Variants in PLCD4 observed in about 807,000 individuals in gnomAD.
The protein encoded by PLCD4 is 1-phosphatidylinositol 4,5-bisphosphate phosphodiesterase delta-4.
PLCD4 carries 63 observed loss-of-function variants against 90.2 expected under a neutral mutation model. That is an observed-to-expected ratio of 0.70 (90% CI 0.57 to 0.86). The LOEUF is 0.86. Among genes scored for constraint, PLCD4 ranks in the 40% least tolerant of loss-of-function variants. The pLI is 0.00. For missense variants in PLCD4, 830 were observed against 956.3 expected (o/e 0.87, Z 1.74); for synonymous variants, 294 against 356.5 (o/e 0.82, Z 1.97).
Position 218,634,615 on chromosome 2 carries a change from G to A in PLCD4, c.1881G>A (p.Gln627=). 6.2e-7 allele frequency: 1 copy of A among 1,613,876 alleles called. No homozygotes were observed. Among genetic ancestry groups the A allele is most frequent in the Non-Finnish European group, 8.5e-7 (1 of 1,179,846 alleles). The change falls in exon 13 of 16, where the codon CAG becomes CAA. Residue 627 remains glutamine, a synonymous_variant. Coordinates refer to ENST00000450993, the MANE Select transcript of PLCD4 (RefSeq NM_032726.4). The surrounding 1 kb of genome is among the most constrained non-coding windows in gnomAD (Gnocchi z 4.0). Reference sequence around the variant, plus strand: ...AGCCCATCAGCCCTTTCAAAGCCCAGACTCTCTTAATCCAGGTACAGTGGA... The same window carrying A: ...AGCCCATCAGCCCTTTCAAAGCCCAAACTCTCTTAATCCAGGTACAGTGGA... ...PEKPISPFKA[Q]TLLIQVISGQ...
chr2:218,636,623 G>T lies in PLCD4; in HGVS notation c.*46G>T. 2 of 1,566,548 alleles carry T rather than the reference G, an allele frequency of 1.3e-6. No homozygotes were observed. The highest frequency in any genetic ancestry group is 2.2e-5 in the South Asian group (2 of 89,076). On this transcript the variant is annotated 3_prime_UTR_variant, in exon 16 of 16. Coordinates refer to ENST00000450993, the MANE Select transcript of PLCD4 (RefSeq NM_032726.4). Reference sequence around the variant, plus strand: ...GGTTGGTGTGCTGGCTTTAGACGGGGAGAAACATCTGGAAGGATGCTCGAG... The same window carrying T: ...GGTTGGTGTGCTGGCTTTAGACGGGTAGAAACATCTGGAAGGATGCTCGAG...
chr2:218,635,795 G>C lies in PLCD4; in HGVS notation c.1897-1G>C. Reference sequence around the variant, plus strand: ...GTGAGATTCCAGAGCCCTGACTACAGGTGATCAGCGGTCAGCAACTCCCCA... The same window carrying C: ...GTGAGATTCCAGAGCCCTGACTACACGTGATCAGCGGTCAGCAACTCCCCA... On this transcript the variant is annotated splice_acceptor_variant, in intron 13 of 15. Coordinates refer to ENST00000450993, the MANE Select transcript of PLCD4 (RefSeq NM_032726.4). LOFTEE classifies it high-confidence loss of function. 1 of 1,611,510 alleles carries C rather than the reference G, an allele frequency of 6.2e-7. No homozygotes were observed. The highest frequency in any genetic ancestry group is 8.5e-7 in the Non-Finnish European group (1 of 1,178,892).
rs75450449 is a variant in PLCD4 at position 218,636,874 on chromosome 2, C to T, written c.*297C>T. 265 of 493,690 alleles carry T rather than the reference C, an allele frequency of 5.4e-4. 1 individual carries two copies. Among genetic ancestry groups the T allele is most frequent in the East Asian group, 5.1e-3 (86 of 16,958 alleles). 30.6% of individuals were successfully genotyped at this position (493,690 alleles called of 1,614,324 possible). On this transcript the variant is annotated 3_prime_UTR_variant, in exon 16 of 16. Coordinates refer to ENST00000450993, the MANE Select transcript of PLCD4 (RefSeq NM_032726.4). ...TCTTGCTGTAGGCTCAATCCCATAC[C>T]GACATCTACAACTAATCTTTCCCAT...
At chr2:218,625,170 ACCTGTG>A (rs1348765679) in intron 6 of PLCD4, among the ~76,000 whole-genome samples, 1 of 151,058 alleles carries the variant, frequency 6.6e-6, no homozygotes, top group African/African-American at 2.4e-5. Context: ...ATCTTTTGTT[ACCTGTG>A]CAGAATCCAG....
Position 218,621,549 on chromosome 2 carries a change from C to T in PLCD4, c.490C>T (p.His164Tyr), listed in dbSNP as rs758171195. 4 of 1,613,958 alleles carry T rather than the reference C, an allele frequency of 2.5e-6. No individual in the cohort carries two copies. In the South Asian group the frequency reaches 4.4e-5, roughly 18 times the overall value. Residue 164 changes from histidine (H) to tyrosine (Y), a missense_variant, in exon 5 of 16, where the codon CAC (histidine) becomes TAC (tyrosine). Coordinates refer to ENST00000450993, the MANE Select transcript of PLCD4 (RefSeq NM_032726.4). ...TTTCCAAGAAGTTCAGCGGTTATTG[C>T]ACCTAATGAATGTGGAAATGGACCA... ...MSFQEVQRLLHLMNVEMDQEY... is the reference protein window; with the variant it reads ...MSFQEVQRLLYLMNVEMDQEY...
chr2:218,633,819 T>G lies in PLCD4; in HGVS notation c.1606+58T>G, dbSNP rs553015969. 1.4e-5 allele frequency: 22 copies of G among 1,583,886 alleles called. No individual in the cohort carries two copies. In the Admixed American group the frequency reaches 2.4e-4, roughly 17 times the overall value. ...GTGGGATGGATAGGTTCAGGCCTGATGGACTGGCAGGTAAGTCCCAAGAAA... is the reference window on the plus strand; with the variant it reads ...GTGGGATGGATAGGTTCAGGCCTGAGGGACTGGCAGGTAAGTCCCAAGAAA... On this transcript the variant is annotated intron_variant, in intron 11 of 15. Coordinates refer to ENST00000450993, the MANE Select transcript of PLCD4 (RefSeq NM_032726.4).
chr2:218,631,508 T>G (rs1209174962), intron 9 of PLCD4, among the ~76,000 whole-genome samples: 1 of 146,528 alleles, frequency 6.8e-6, no homozygotes, highest in Non-Finnish European at 1.5e-5. Context: ...CACGGTAAGA[T>G]TATTCAGGCC....
At chr2:218,632,655 C>T (rs186652450) in intron 10 of PLCD4, among the ~76,000 whole-genome samples, 5 of 152,144 alleles carry the variant, frequency 3.3e-5, no homozygotes, top group Admixed American at 3.3e-4. Context: ...ACTTCTTGGT[C>T]TTCTTAAAGG....
Position 218,636,167 on chromosome 2 carries a change from T to A in PLCD4, c.2033-76T>A, listed in dbSNP as rs937567246. On this transcript the variant is annotated intron_variant, in intron 14 of 15. Transcript: ENST00000450993. ...AATGCTGATTGCCATCTAGATTAAA[T>A]GAGAACACAAGAAAAGCAACCCAGT... 1.9e-5 allele frequency: 29 copies of A among 1,498,370 alleles called. No homozygotes were observed. The Admixed American group carries it at 4.8e-4, about 25-fold the overall frequency. The allele number at this position is 1,498,370 out of a possible 1,614,324, so 92.8% of individuals were successfully genotyped here. A position where few individuals can be genotyped will look rare whatever the true frequency, so the allele number is the denominator to read the frequency against.
At chr2:218,629,438 T>G in intron 7 of PLCD4, 81 bp from the exon 8 acceptor site, 1 of 1,521,896 alleles carries the variant, frequency 6.6e-7, no homozygotes, top group Non-Finnish European at 8.9e-7. Flanking sequence ...AGCACTGTTC[T>G]CTCCAGAGTG....
intron 6 of PLCD4, among the ~76,000 whole-genome samples, chr2:218,625,383 G>A (rs115131270): frequency 0.014 from 2,084 of 151,694 alleles, 30 homozygotes; most frequent in South Asian, 0.045. Flanking sequence ...CATTTGTTTC[G>A]ACCCCGACCC....
At chr2:218,619,944 C>T (rs919221599) in intron 4 of PLCD4, among the ~76,000 whole-genome samples, 4 of 152,206 alleles carry the variant, frequency 2.6e-5, no homozygotes, top group African/African-American at 7.2e-5. Context: ...GTGGCACGAT[C>T]TTGGCTCACT....
intron 10 of PLCD4, 26 bp downstream of exon 10, chr2:218,632,338 G>C: frequency 6.3e-7 from 1 of 1,578,816 alleles, no homozygotes; most frequent in Non-Finnish European, 8.6e-7. Flanking sequence ...TCTTTCTGCT[G>C]TGGTATTTAG....
chr2:218,623,493 C>A (rs1457171038), intron 6 of PLCD4, among the ~76,000 whole-genome samples: 1 of 152,204 alleles, frequency 6.6e-6, no homozygotes, highest in Non-Finnish European at 1.5e-5. Flanking sequence ...TCAGTAGACT[C>A]ATTTCCTGCC....
chr2:218,615,380 G>A (rs924569997), intron 1 of PLCD4, among the ~76,000 whole-genome samples: 1 of 152,106 alleles, frequency 6.6e-6, no homozygotes, highest in African/African-American at 2.4e-5. Flanking sequence ...TTTCTGAAAG[G>A]GACATCCAGC....
chr2:218,616,927 T>TAGAGAGAGAGAG (rs71266346), intron 3 of PLCD4, among the ~76,000 whole-genome samples: 4 of 13,764 alleles, frequency 2.9e-4, no homozygotes, highest in Non-Finnish European at 5.1e-4. Flanking sequence ...TATATATATA[T>TAGAGAGAGAGAG]AGAGAGAGAG....
At chr2:218,609,131 ACT>A (rs769600500) in intron 1 of PLCD4, 1 of 144,842 alleles carries the variant, frequency 6.9e-6, no homozygotes, top group Non-Finnish European at 1.5e-5. Context: ...CGACAGCGAG[ACT>A]CTGTCTCAAA....
chr2:218,615,156 G>A (rs931281552), intron 1 of PLCD4, among the ~76,000 whole-genome samples: 1 of 152,088 alleles, frequency 6.6e-6, no homozygotes, highest in African/African-American at 2.4e-5. Context: ...TGAACTGGGA[G>A]TTGCAGTGAG....
chr2:218,632,678 C>T (rs1158203491), intron 10 of PLCD4, among the ~76,000 whole-genome samples: 1 of 152,058 alleles, frequency 6.6e-6, no homozygotes, highest in Non-Finnish European at 1.5e-5. Flanking sequence ...AGCTTGAAAA[C>T]CAGTGATGAG....
Sources: gnomAD v4.1 joint callset for allele counts (sites outside exome capture counted in the v4.1 genomes callset) on GRCh38, gnomAD v4.1.1 for gene constraint, Gnocchi (gnomAD v3.1) non-coding constraint, MANE v1.5 for transcripts, NCBI Gene and HGNC (gene_info 2026-07-23, HGNC 2026-07-21) for gene names.